COA1: variants seen among roughly 807,000 people sequenced by gnomAD.
COA1 encodes cytochrome c oxidase assembly factor 1 homolog.
In COA1, 13 loss-of-function variants were observed where a neutral mutation model predicts 16.0. That is an observed-to-expected ratio of 0.81 (90% CI 0.53 to 1.29). The LOEUF is 1.29. Among genes scored for constraint, COA1 ranks in the 50% most tolerant of loss-of-function variants. COA1 has a pLI of 0.00. For synonymous variants in COA1, 65 were observed against 65.7 expected (o/e 0.99, Z 0.05); for missense variants, 179 against 177.0 (o/e 1.01, Z -0.06).
intron 1 of COA1, chr7:43,649,470 C>T (rs892385850): frequency 6.6e-6 from 1 of 152,272 alleles, no homozygotes; most frequent in African/African-American, 2.4e-5. Context: ...GCAGGCATGC[C>T]TTTCCTGCTA....
intron 6 of COA1, among the ~76,000 whole-genome samples, chr7:43,618,078 A>G (rs938156244): frequency 3.3e-5 from 5 of 152,216 alleles, no homozygotes; most frequent in African/African-American, 9.6e-5. Context: ...CAGAATATGA[A>G]TGGAAGGAAA....
chr7:43,610,215 T>C (rs1563151575), intron 6 of COA1, among the ~76,000 whole-genome samples: 2 of 151,382 alleles, frequency 1.3e-5, no homozygotes, highest in Non-Finnish European at 2.9e-5. Flanking sequence ...GGCATGGTGG[T>C]GGGTGCCTGT....
At chr7:43,654,020 A>C (rs1390717801) in intron 1 of COA1, among the ~76,000 whole-genome samples, 1 of 152,194 alleles carries the variant, frequency 6.6e-6, no homozygotes, top group Non-Finnish European at 1.5e-5. Flanking sequence ...AACAAGTTGC[A>C]AAAGTCTGAG....
intron 6 of COA1, chr7:43,623,659 A>G (rs2084164431): frequency 6.2e-7 from 1 of 1,607,944 alleles, no homozygotes; most frequent in Non-Finnish European, 8.5e-7. Context: ...AATTAGTTTC[A>G]AGAAATGAGT....
Position 43,644,762 on chromosome 7 carries a change from G to GATAGATAGA in COA1, c.264+488_264+489insTCTATCTAT, listed in dbSNP as rs1563228848. 3.3e-3 allele frequency among the ~76,000 whole-genome samples: 267 copies of GATAGATAGA among 80,038 alleles called. 1 individual carries two copies. The highest frequency in any genetic ancestry group is 4.3e-3 in the Non-Finnish European group (148 of 34,116). The allele number at this position is 80,038 out of a possible 152,430, so 52.5% of individuals were successfully genotyped here. On this transcript the variant is annotated intron_variant, in intron 4 of 5. Transcript: ENST00000223336. ...GATAGATAGATAGATAGATAGATAG[G>GATAGATAGA]CAGGCAGGCAGGCAGGCAGGCAGGC...
At chr7:43,608,676 G>A in exon 7 of COA1, 1 of 248,516 alleles carries the variant, frequency 4.0e-6, no homozygotes, top group Non-Finnish European at 7.6e-6. Context: ...TGAAAAGTTA[G>A]GATTTAGATA....
At chr7:43,697,356 A>G (rs2094563253) in intron 1 of COA1, among the ~76,000 whole-genome samples, 1 of 151,632 alleles carries the variant, frequency 6.6e-6, no homozygotes. Context: ...CAGTGGCATG[A>G]TCTCGACTCA....
chr7:43,623,200 G>A (rs758917408), intron 6 of COA1: 1 of 177,118 alleles, frequency 5.6e-6, no homozygotes, highest in Non-Finnish European at 1.2e-5. Flanking sequence ...AGTGCCACGG[G>A]TGAGGGTGGG....
intron 1 of COA1, among the ~76,000 whole-genome samples, chr7:43,698,296 T>C (rs1446226381): frequency 6.6e-6 from 1 of 152,228 alleles, no homozygotes. Flanking sequence ...CGCTTTTTTT[T>C]CCAGGAACTC....
chr7:43,630,670 G>A lies in COA1; in HGVS notation c.*133+8779C>T, dbSNP rs184670744. Reference sequence around the variant, plus strand: ...TATACTTTTTAAAGCTTTTGATTTCGCAATAGTTACAGACTTACAGGGAGT... The same window carrying A: ...TATACTTTTTAAAGCTTTTGATTTCACAATAGTTACAGACTTACAGGGAGT... On this transcript the variant is annotated intron_variant and NMD_transcript_variant, in intron 6 of 6. Coordinates refer to the COA1 transcript ENST00000415076. Among the ~76,000 whole-genome samples the A allele has an allele frequency of 1.9e-4, 29 of 152,052 alleles. No individual in the cohort carries two copies. In the East Asian group the frequency reaches 1.9e-3, roughly 10 times the overall value.
intron 1 of COA1, among the ~76,000 whole-genome samples, chr7:43,721,835 C>T (rs1447000966): frequency 6.6e-6 from 1 of 151,640 alleles, no homozygotes; most frequent in African/African-American, 2.4e-5. Context: ...TGGGAAAAGT[C>T]GTAAGTTATA....
At chr7:43,614,053 T>C (rs2083117581) in intron 6 of COA1, among the ~76,000 whole-genome samples, 1 of 152,168 alleles carries the variant, frequency 6.6e-6, no homozygotes, top group Admixed American at 6.5e-5. Context: ...TAATAGTTAA[T>C]ATACTAGAAC....
intron 1 of COA1, among the ~76,000 whole-genome samples, chr7:43,683,571 T>C (rs1243426866): frequency 6.6e-6 from 1 of 152,074 alleles, no homozygotes; most frequent in Non-Finnish European, 1.5e-5. Context: ...GAGGTGAAGT[T>C]TGCAGTGAGT....
At chr7:43,624,774 G>T (rs753056472) in intron 6 of COA1, 4 of 1,612,620 alleles carry the variant, frequency 2.5e-6, no homozygotes, top group Middle Eastern at 1.6e-4. Context: ...GGAGCAAAAG[G>T]CCATTTCCAA....
At chr7:43,693,694 C>CAA (rs749077220) in intron 1 of COA1, among the ~76,000 whole-genome samples, 2 of 152,180 alleles carry the variant, frequency 1.3e-5, no homozygotes, top group Non-Finnish European at 2.9e-5. Context: ...CGTTAAGACT[C>CAA]AAAGTTTCCC....
intron 1 of COA1, chr7:43,658,670 ACT>A (rs1217177757): frequency 6.6e-6 from 1 of 152,128 alleles, no homozygotes; most frequent in African/African-American, 2.4e-5. Flanking sequence ...CCATGTGAAG[ACT>A]CTCTCAAAAA....
At chr7:43,635,648 G>A (rs958858549), downstream of COA1, among the ~76,000 whole-genome samples, 4 of 151,960 alleles carry the variant, frequency 2.6e-5, no homozygotes, top group African/African-American at 9.7e-5. Flanking sequence ...AAAGAGCACT[G>A]AGAGGGAGAA....
chr7:43,681,128 A>AT (rs772813667), intron 1 of COA1, among the ~76,000 whole-genome samples: 1 of 151,808 alleles, frequency 6.6e-6, no homozygotes, highest in South Asian at 2.1e-4. Flanking sequence ...CATTTCTGTC[A>AT]TTTTTTTCTC....
intron 1 of COA1, among the ~76,000 whole-genome samples, chr7:43,666,162 A>T (rs1202690431): frequency 6.6e-6 from 1 of 152,204 alleles, no homozygotes; most frequent in Non-Finnish European, 1.5e-5. Context: ...TAAGTTATAT[A>T]CTTATACTAA....
Sources: allele counts gnomAD v4.1 joint callset (sites outside exome capture counted in the v4.1 genomes callset), GRCh38; gene constraint gnomAD v4.1.1; transcripts MANE v1.5; gene names NCBI Gene and HGNC (gene_info 2026-07-23, HGNC 2026-07-21).